The following SLIT2 variants were observed in gnomAD, a reference collection of about 807,000 sequenced individuals.
SLIT2 encodes slit guidance ligand 2.
Under a neutral mutation model 185.7 loss-of-function variants are expected in SLIT2, and 41 were observed. The ratio of observed to expected loss-of-function variants is 0.22; its 90% CI spans 0.17 to 0.29. The LOEUF is 0.29. SLIT2 is among the 10% of genes least tolerant of loss of function. SLIT2 has a pLI of 1.00. For synonymous variants in SLIT2, 693 were observed against 680.2 expected, an observed-to-expected ratio of 1.02 and a Z score of -0.29; for missense variants, 1,571 against 1,909.0, an observed-to-expected ratio of 0.82 and a Z score of 3.30.
At chr4:20,442,519 G>T (rs1729839967) in intron 4 of SLIT2, among the ~76,000 whole-genome samples, 1 of 93,934 alleles carries the variant, frequency 1.1e-5, no homozygotes. Context: ...GGGAGACTCT[G>T]TCTCAAAAAA....
intron 34 of SLIT2, 152 bp from the exon 35 acceptor site, chr4:20,616,758 A>G (rs899319396): frequency 1.8e-5 from 13 of 719,406 alleles, no homozygotes; most frequent in Non-Finnish European, 6.8e-6. Context: ...ACACATCTCT[A>G]CATCTCTTCT....
At chr4:20,286,101 T>C (rs1395474358) in intron 4 of SLIT2, among the ~76,000 whole-genome samples, 2 of 152,240 alleles carry the variant, frequency 1.3e-5, no homozygotes, top group Non-Finnish European at 2.9e-5. Flanking sequence ...GGCTAGCATT[T>C]GAATACAGTG....
intron 4 of SLIT2, among the ~76,000 whole-genome samples, chr4:20,379,635 A>G (rs181435729): frequency 2.4e-4 from 36 of 152,292 alleles, no homozygotes; most frequent in African/African-American, 2.4e-4. Flanking sequence ...TTGGCATTTT[A>G]AAGACTTCCA....
chr4:20,370,311 A>G (rs555192522), intron 4 of SLIT2, among the ~76,000 whole-genome samples: 37 of 152,206 alleles, frequency 2.4e-4, no homozygotes, highest in African/African-American at 8.7e-4. Flanking sequence ...GAATATTTCA[A>G]TCGATTATCT....
intron 4 of SLIT2, among the ~76,000 whole-genome samples, chr4:20,424,282 G>T (rs964457732): frequency 3.9e-5 from 6 of 151,976 alleles, no homozygotes; most frequent in Non-Finnish European, 5.9e-5. Flanking sequence ...TCTCTGACAG[G>T]TCTTCTTTCT....
intron 4 of SLIT2, among the ~76,000 whole-genome samples, chr4:20,345,452 T>G (rs571975496): frequency 6.6e-6 from 1 of 152,240 alleles, no homozygotes; most frequent in East Asian, 1.9e-4. Context: ...TAATGGTACT[T>G]TAAAAATCTG....
At position 20,253,520 on chromosome 4, in the gene SLIT2, C is replaced by T. The variant is rs2108999618; in HGVS notation, c.-296C>T. The stretch of plus-strand genomic sequence containing the variant: ...CCTTGGGAGACAGAAGACGCGTGAT[C>T]TCCTCTCCGCTGCTCTTGGGGTCTC... On this transcript the variant is annotated 5_prime_UTR_variant, in exon 1 of 37. Coordinates refer to ENST00000504154, the MANE Select transcript of SLIT2 (RefSeq NM_004787.4). 1 of 409,694 alleles carries T rather than the reference C, an allele frequency of 2.4e-6. No individual in the cohort carries two copies. Among genetic ancestry groups the T allele is most frequent in the African/African-American group, 2.0e-5 (1 of 49,490 alleles). 25.4% of individuals were successfully genotyped at this position (409,694 alleles called of 1,614,324 possible).
chr4:20,529,360 A>G (rs1055890294), intron 16 of SLIT2, among the ~76,000 whole-genome samples: 1 of 152,160 alleles, frequency 6.6e-6, no homozygotes, highest in Non-Finnish European at 1.5e-5. Context: ...TAACAATGGT[A>G]TTTATTTGAT....
At chr4:20,588,082 A>G (rs1337422325) in intron 29 of SLIT2, among the ~76,000 whole-genome samples, 1 of 152,202 alleles carries the variant, frequency 6.6e-6, no homozygotes, top group Non-Finnish European at 1.5e-5. Context: ...CATTTCATCA[A>G]GGTATCCAAC....
intron 4 of SLIT2, among the ~76,000 whole-genome samples, chr4:20,309,910 C>A (rs1472958120): frequency 6.6e-6 from 1 of 151,974 alleles, no homozygotes; most frequent in African/African-American, 2.4e-5. Flanking sequence ...CAGGCGCCCA[C>A]CACCACGCCT....
chr4:20,543,238 T>G (rs1450321407), intron 21 of SLIT2, among the ~76,000 whole-genome samples: 2 of 152,100 alleles, frequency 1.3e-5, no homozygotes, highest in African/African-American at 4.8e-5. Context: ...ATGGGACCAA[T>G]TATCCTTGAC....
chr4:20,580,990 A>C (rs770831401), intron 29 of SLIT2, among the ~76,000 whole-genome samples: 3 of 152,252 alleles, frequency 2.0e-5, no homozygotes, highest in Non-Finnish European at 4.4e-5. Context: ...TAGTGGCATA[A>C]GTTGAAAGTT....
intron 4 of SLIT2, among the ~76,000 whole-genome samples, chr4:20,447,204 A>G (rs1362559009): frequency 6.6e-6 from 1 of 152,226 alleles, no homozygotes; most frequent in Non-Finnish European, 1.5e-5. Flanking sequence ...TAATAATGAA[A>G]ACCCCTAAAT....
chr4:20,291,475 TATATATATATATA>T (rs1560288542), intron 4 of SLIT2, among the ~76,000 whole-genome samples: 1 of 9,342 alleles, frequency 1.1e-4, no homozygotes, highest in African/African-American at 3.4e-4. Context: ...TATATATATA[TATATATATATATA>T]TATATTTTTT....
intron 4 of SLIT2, among the ~76,000 whole-genome samples, chr4:20,371,412 A>G (rs1723563072): frequency 6.6e-6 from 1 of 152,036 alleles, no homozygotes; most frequent in Non-Finnish European, 1.5e-5. Flanking sequence ...ACAGTAAATC[A>G]TGTTTCTCCA....
intron 4 of SLIT2, chr4:20,364,204 G>T: frequency 1.1e-6 from 1 of 879,272 alleles, no homozygotes. Flanking sequence ...GAGCATTTGT[G>T]CCCTGTGGAG....
intron 4 of SLIT2, among the ~76,000 whole-genome samples, chr4:20,306,152 G>A (rs1717527187): frequency 6.6e-6 from 1 of 152,080 alleles, no homozygotes; most frequent in Non-Finnish European, 1.5e-5. Context: ...GAAAAATTCT[G>A]AAACTGAAAG....
rs1373460019 is a variant in SLIT2, at chr4:20,467,798, C to T, written c.442C>T (p.Arg148Cys). Residue 148 changes from arginine to cysteine, a missense_variant, in exon 5 of 37, where the codon CGT (arginine) becomes TGT (cysteine). Transcript: ENST00000504154. ...QIQAIPRKAF[R>C]GAVDIKNLQL... ...TCAGGCAATCCCAAGGAAAGCTTTC[C>T]GTGGGGCAGTTGACATAAAAAATTT... The T allele has an allele frequency of 3.8e-6, 6 of 1,591,720 alleles. No individual in the cohort carries two copies. The highest frequency in any genetic ancestry group is 5.1e-6 in the Non-Finnish European group (6 of 1,166,262).
chr4:20,311,654 CAAT>C (rs1419850687), intron 4 of SLIT2, among the ~76,000 whole-genome samples: 1 of 152,052 alleles, frequency 6.6e-6, no homozygotes, highest in African/African-American at 2.4e-5. Context: ...ATAGTCCAGT[CAAT>C]GATAATAGCT....
Sources: allele counts gnomAD v4.1 joint callset (sites outside exome capture counted in the v4.1 genomes callset), GRCh38; gene constraint gnomAD v4.1.1; transcripts MANE v1.5; gene names NCBI Gene and HGNC (gene_info 2026-07-23, HGNC 2026-07-21).